MARCHF6: variants seen among roughly 807,000 people sequenced by gnomAD.
MARCHF6 encodes the protein membrane associated ring-CH-type finger 6.
A neutral mutation model predicts 133.7 loss-of-function variants in MARCHF6; 31 were observed. The ratio of observed to expected loss-of-function variants is 0.23; its 90% CI spans 0.17 to 0.31. The LOEUF is 0.31. Among genes scored for constraint, MARCHF6 ranks in the 10% least tolerant of loss-of-function variants. The probability of loss-of-function intolerance (pLI) is 1.00; values close to 1 mark genes in which losing one functional copy is unlikely to be tolerated. For synonymous variants in MARCHF6, 395 were observed against 402.5 expected (o/e 0.98, Z 0.22); for missense variants, 723 against 1,121.6 (o/e 0.64, Z 5.08).
chr5:10,357,368 T>G (rs1219175490), intron 1 of MARCHF6, among the ~76,000 whole-genome samples: 1 of 147,920 alleles, frequency 6.8e-6, no homozygotes, highest in Non-Finnish European at 1.5e-5. Flanking sequence ...TTTTTTTTTC[T>G]TTTCCATTTT....
intron 1 of MARCHF6, among the ~76,000 whole-genome samples, chr5:10,370,092 A>ATTTTTTT (rs762064486): frequency 3.1e-5 from 2 of 64,960 alleles, no homozygotes; most frequent in African/African-American, 7.1e-5. Context: ...TCTTACTGTG[A>ATTTTTTT]TTTTTTTTTT....
chr5:10,374,059 TTAA>T (rs1300073696), intron 1 of MARCHF6, among the ~76,000 whole-genome samples: 1 of 151,354 alleles, frequency 6.6e-6, no homozygotes, highest in East Asian at 1.9e-4. Flanking sequence ...ACCAAGAATC[TTAA>T]TAATAGGGAA....
At chr5:10,419,467 C>G (rs1739713468) in intron 22 of MARCHF6, among the ~76,000 whole-genome samples, 1 of 152,136 alleles carries the variant, frequency 6.6e-6, no homozygotes, top group Admixed American at 6.5e-5. Flanking sequence ...TTTTGACTTA[C>G]AGTGTTTTCA....
Position 10,370,936 on chromosome 5 carries a change from A to C in MARCHF6, c.20-6862A>C, listed in dbSNP as rs150745542. Among the ~76,000 whole-genome samples, 1,035 of 152,338 alleles carry C rather than the reference A, an allele frequency of 6.8e-3. 14 individuals are homozygous for C. The highest frequency in any genetic ancestry group is 0.023 in the African/African-American group (971 of 41,574). ...TAAAGTTGGAGGAGCAGATAAATAGAATATTGACATTATGAAAAAAATAAA... is the reference window on the plus strand; with the variant it reads ...TAAAGTTGGAGGAGCAGATAAATAGCATATTGACATTATGAAAAAAATAAA... On this transcript the variant is annotated intron_variant, in intron 1 of 25. Coordinates refer to ENST00000274140, the MANE Select transcript of MARCHF6 (RefSeq NM_005885.4).
At chr5:10,367,501 A>C (rs1301825845) in intron 1 of MARCHF6, among the ~76,000 whole-genome samples, 1 of 152,238 alleles carries the variant, frequency 6.6e-6, no homozygotes, top group Admixed American at 6.5e-5. Context: ...ACCAGAAGGT[A>C]AGTGGAGAGA....
chr5:10,375,886 T>G (rs1366394236), intron 1 of MARCHF6, among the ~76,000 whole-genome samples: 2 of 152,144 alleles, frequency 1.3e-5, no homozygotes, highest in East Asian at 1.9e-4. Context: ...TGCACCAATC[T>G]ACACTCTATC....
chr5:10,401,096 CCCACAGGCTGAT>C (rs1208129362), intron 11 of MARCHF6: 4 of 377,646 alleles, frequency 1.1e-5, no homozygotes, highest in African/African-American at 6.2e-5. Context: ...GGGAAAGTTT[CCCACAGGCTGAT>C]TTTCTGTCCA....
chr5:10,356,391 T>TA (rs1247082946), intron 1 of MARCHF6, among the ~76,000 whole-genome samples: 4 of 148,000 alleles, frequency 2.7e-5, no homozygotes, highest in Non-Finnish European at 5.9e-5. Flanking sequence ...TATTTTATTT[T>TA]ATTTTATTTT....
chr5:10,367,543 A>T (rs566709639), intron 1 of MARCHF6, among the ~76,000 whole-genome samples: 29 of 152,340 alleles, frequency 1.9e-4, no homozygotes, highest in African/African-American at 7.0e-4. Context: ...AACTTTCAAG[A>T]TAGATAATAG....
At position 10,401,769 on chromosome 5, in the gene MARCHF6, C is replaced by T. The variant is rs997571268; in HGVS notation, c.973-290C>T. The T allele has an allele frequency of 1.6e-5, 7 of 443,932 alleles. No homozygotes were observed. The Admixed American group carries it at 2.0e-4, about 13-fold the overall frequency. 27.5% of individuals were successfully genotyped at this position (443,932 alleles called of 1,614,324 possible). ...CTTTAGAGTGAGAGTAGAGGGCAGGCTGTTGTATTACAGTGCTCTTGTTTT... is the reference window on the plus strand; with the variant it reads ...CTTTAGAGTGAGAGTAGAGGGCAGGTTGTTGTATTACAGTGCTCTTGTTTT... On this transcript the variant is annotated intron_variant, in intron 11 of 25. Transcript: ENST00000274140.
chr5:10,419,932 G>A (rs1289352082), intron 22 of MARCHF6, among the ~76,000 whole-genome samples: 1 of 152,190 alleles, frequency 6.6e-6, no homozygotes, highest in Non-Finnish European at 1.5e-5. Context: ...TCAATGGCTG[G>A]GAATGATTTG....
Position 10,390,329 on chromosome 5 carries a change from T to C in MARCHF6, c.408-3T>C, listed in dbSNP as rs755190248. The C allele has an allele frequency of 6.2e-7, 1 of 1,609,612 alleles. No homozygotes were observed. On this transcript the variant is annotated splice_polypyrimidine_tract_variant and splice_region_variant and intron_variant, in intron 5 of 25. Coordinates refer to ENST00000274140, the MANE Select transcript of MARCHF6 (RefSeq NM_005885.4). The stretch of plus-strand genomic sequence containing the variant: ...TAATTATATGTACTTTTTTTTTTAA[T>C]AGGGAAAATTTGTTGGCAGATTGTT...
chr5:10,399,727 T>G (rs1489009144), intron 10 of MARCHF6, among the ~76,000 whole-genome samples: 2 of 152,192 alleles, frequency 1.3e-5, no homozygotes, highest in African/African-American at 4.8e-5. Flanking sequence ...GCAGTTGGTT[T>G]CTTTGAATGA....
Position 10,439,099 on chromosome 5 carries a change from A to G in MARCHF6, c.*5415A>G, listed in dbSNP as rs1740759110. 6.6e-6 allele frequency: 1 copy of G among 152,132 alleles called. No individual in the cohort carries two copies. The highest frequency in any genetic ancestry group is 2.1e-4 in the South Asian group (1 of 4,818). 9.4% of individuals were successfully genotyped at this position (152,132 alleles called of 1,614,324 possible). ...ACCCAGTACTCCTCTTCATTCACTC[A>G]TATGTTTTTGGGATCAGTCCCTTCT... On this transcript the variant is annotated 3_prime_UTR_variant, in exon 26 of 26. Coordinates refer to ENST00000274140, the MANE Select transcript of MARCHF6 (RefSeq NM_005885.4).
rs1347080696 is a variant in MARCHF6 at position 10,387,095 on chromosome 5, T to G, written c.407+29T>G. 6 of 1,538,464 alleles carry G rather than the reference T, an allele frequency of 3.9e-6. No individual in the cohort carries two copies. The East Asian group carries it at 9.0e-5, about 23-fold the overall frequency. On this transcript the variant is annotated intron_variant, in intron 5 of 25. Transcript: ENST00000274140. ...AGTATTGAACCTCTGTGACGAATGT[T>G]GCATGATGTAGATGATGCTTGCTTT...
intron 5 of MARCHF6, among the ~76,000 whole-genome samples, chr5:10,387,569 CTGG>C (rs1737562299): frequency 6.6e-6 from 1 of 152,154 alleles, no homozygotes; most frequent in Non-Finnish European, 1.5e-5. Flanking sequence ...TCCCAAAGTG[CTGG>C]GATTACAGGC....
chr5:10,432,046 T>A (rs1020108527), intron 25 of MARCHF6, among the ~76,000 whole-genome samples: 1 of 152,196 alleles, frequency 6.6e-6, no homozygotes, highest in African/African-American at 2.4e-5. Flanking sequence ...AGTGACATTA[T>A]GGATAAAGAT....
At chr5:10,430,565 A>C (rs1463086528) in intron 25 of MARCHF6, among the ~76,000 whole-genome samples, 1 of 152,154 alleles carries the variant, frequency 6.6e-6, no homozygotes, top group East Asian at 1.9e-4. Flanking sequence ...TGGCCTCCCA[A>C]AGTGTTGGGA....
intron 19 of MARCHF6, 72 bp downstream of exon 19, chr5:10,411,609 A>T: frequency 8.0e-7 from 1 of 1,255,932 alleles, no homozygotes; most frequent in African/African-American, 1.5e-5. Context: ...TGCTGTTGAG[A>T]ATTGGTGCTA....
Sources: allele counts gnomAD v4.1 joint callset (sites outside exome capture counted in the v4.1 genomes callset), GRCh38; gene constraint gnomAD v4.1.1; transcripts MANE v1.5; gene names NCBI Gene and HGNC (gene_info 2026-07-23, HGNC 2026-07-21).